The following C11orf65 variants were observed in gnomAD, a reference collection of about 807,000 sequenced individuals.
The protein encoded by C11orf65 is chromosome 11 open reading frame 65, also known as protein MFI.
C11orf65 carries 38 observed loss-of-function variants against 35.3 expected under a neutral mutation model. That is an observed-to-expected ratio of 1.08 (90% CI 0.83 to 1.41). The LOEUF is 1.41. C11orf65 is among the 40% of genes most tolerant of loss of function. The pLI is 0.00. For synonymous variants in C11orf65, 105 were observed against 114.4 expected, an observed-to-expected ratio of 0.92 and a Z score of 0.53; for missense variants, 370 against 367.1, an observed-to-expected ratio of 1.01 and a Z score of -0.06.
In C11orf65 at chr11:108,310,139, TTA is replaced by T. The variant is rs1064793040; in HGVS notation, c.641-1070_641-1069del. On this transcript the variant is annotated intron_variant, in intron 6 of 6. Coordinates refer to the C11orf65 transcript ENST00000525729. ...TTGAAGTTTAAAAAAGTGAATGACATTATATCTCATTTTTCTTTAGACCTTCT... is the reference window on the plus strand; with the variant it reads ...TTGAAGTTTAAAAAAGTGAATGACATTATCTCATTTTTCTTTAGACCTTCT... 5 of 1,606,698 alleles carry T rather than the reference TTA, an allele frequency of 3.1e-6. No individual in the cohort carries two copies. The highest frequency in any genetic ancestry group is 4.3e-6 in the Non-Finnish European group (5 of 1,174,212).
chr11:108,365,590 A>C, intron 2 of C11orf65: 1 of 1,473,824 alleles, frequency 6.8e-7, no homozygotes. Flanking sequence ...AACATACTTT[A>C]AGTAGGGATT....
chr11:108,327,753 G>C (rs2136379535), downstream of C11orf65: 1 of 1,612,794 alleles, frequency 6.2e-7, no homozygotes, highest in East Asian at 2.2e-5. Context: ...GACCTATCTA[G>C]AAAAGGTAAG....
At position 108,354,860 on chromosome 11, in the gene C11orf65, T is replaced by C; in HGVS notation, c.227-19568A>G. ...GATGAGAAACTCTCAGGAAACTCTG[T>C]TAACCATTGTAGAGGTAAAGTATTT... On this transcript the variant is annotated intron_variant, in intron 2 of 3. Coordinates refer to the C11orf65 transcript ENST00000524755. The C allele has an allele frequency of 6.2e-7, 1 of 1,613,420 alleles. No individual in the cohort carries two copies. The highest frequency in any genetic ancestry group is 8.5e-7 in the Non-Finnish European group (1 of 1,179,356).
intron 2 of C11orf65, among the ~76,000 whole-genome samples, chr11:108,450,429 G>T (rs1455989448): frequency 6.6e-6 from 1 of 151,496 alleles, no homozygotes. Context: ...ATACACCATG[G>T]AATACTATGC....
downstream of C11orf65, among the ~76,000 whole-genome samples, chr11:108,381,206 T>C (rs939172537): frequency 3.3e-5 from 5 of 152,118 alleles, no homozygotes; most frequent in Non-Finnish European, 7.4e-5. Flanking sequence ...AACCAAGGGA[T>C]GGAAATTAGG....
At chr11:108,441,420 G>A (rs1449919896) in intron 2 of C11orf65, among the ~76,000 whole-genome samples, 1 of 152,238 alleles carries the variant, frequency 6.6e-6, no homozygotes, top group Non-Finnish European at 1.5e-5. Flanking sequence ...ACAAAAGGCA[G>A]CAGAAACTTC....
At chr11:108,444,586 C>T (rs978269108) in intron 2 of C11orf65, among the ~76,000 whole-genome samples, 5 of 152,132 alleles carry the variant, frequency 3.3e-5, no homozygotes, top group African/African-American at 7.2e-5. Context: ...ACTGGCAAAC[C>T]GCATCCAGCA....
At position 108,386,049 on chromosome 11, in the gene C11orf65, C is replaced by A; in HGVS notation, c.732-74G>T. On this transcript the variant is annotated intron_variant, in intron 7 of 8. Coordinates refer to ENST00000393084, the MANE Select transcript of C11orf65 (RefSeq NM_152587.5). Reference sequence around the variant, plus strand: ...CATACTTAGACTACTTCTAAAATTCCACTTTTCAGAAATCTTAGATTAATG... The same window carrying A: ...CATACTTAGACTACTTCTAAAATTCAACTTTTCAGAAATCTTAGATTAATG... 2.4e-6 allele frequency: 3 copies of A among 1,262,104 alleles called. No individual in the cohort carries two copies. The South Asian group carries it at 3.8e-5, about 16-fold the overall frequency. The allele number at this position is 1,262,104 out of a possible 1,614,324, so 78.2% of individuals were successfully genotyped here. A position where few individuals can be genotyped will look rare whatever the true frequency, so the allele number is the denominator to read the frequency against.
chr11:108,391,127 C>T (rs972422823), intron 7 of C11orf65, among the ~76,000 whole-genome samples: 4 of 152,008 alleles, frequency 2.6e-5, no homozygotes, highest in African/African-American at 9.7e-5. Context: ...TTTCCTACCC[C>T]ATTTTCTTAT....
intron 6 of C11orf65, among the ~76,000 whole-genome samples, chr11:108,402,315 C>T (rs2092453518): frequency 6.6e-6 from 1 of 152,172 alleles, no homozygotes; most frequent in African/African-American, 2.4e-5. Flanking sequence ...GATTCTTAGC[C>T]TTGTGTATGT....
At chr11:108,419,777 A>G (rs954534162) in intron 3 of C11orf65, among the ~76,000 whole-genome samples, 3 of 152,232 alleles carry the variant, frequency 2.0e-5, no homozygotes, top group Non-Finnish European at 4.4e-5. Context: ...AAAGGATTCT[A>G]TAACAAACAA....
chr11:108,392,625 C>G (rs1482224285), intron 7 of C11orf65, among the ~76,000 whole-genome samples: 1 of 152,166 alleles, frequency 6.6e-6, no homozygotes, highest in Non-Finnish European at 1.5e-5. Context: ...CACATTCCCA[C>G]TAGCAGTGTA....
chr11:108,468,990 G>A (rs1190043845), upstream of C11orf65, among the ~76,000 whole-genome samples: 1 of 151,870 alleles, frequency 6.6e-6, no homozygotes, highest in African/African-American at 2.4e-5. Context: ...GACTACAGGC[G>A]CCCTCCATGA....
At chr11:108,442,565 C>A (rs1670479736) in intron 2 of C11orf65, among the ~76,000 whole-genome samples, 1 of 152,252 alleles carries the variant, frequency 6.6e-6, no homozygotes, top group South Asian at 2.1e-4. Context: ...ATATTAAGGG[C>A]AGCCAGAGAG....
chr11:108,329,369 T>A (rs903747558), downstream of C11orf65: 2 of 827,752 alleles, frequency 2.4e-6, no homozygotes, highest in African/African-American at 3.5e-5. Flanking sequence ...TAACTATATA[T>A]AGATTATCTT....
At chr11:108,377,948 A>T (rs1366294661), downstream of C11orf65, among the ~76,000 whole-genome samples, 4 of 151,690 alleles carry the variant, frequency 2.6e-5, no homozygotes, top group Non-Finnish European at 4.4e-5. Flanking sequence ...CTCTTCAAGG[A>T]GAACTACAAA....
chr11:108,325,967 A>T, intron 6 of C11orf65: 3 of 1,482,124 alleles, frequency 2.0e-6, no homozygotes, highest in Non-Finnish European at 2.8e-6. Flanking sequence ...GTCCTCAATG[A>T]ATGGTAGTTG....
Position 108,361,481 on chromosome 11 carries a change from C to A in C11orf65, c.227-26189G>T, listed in dbSNP as rs536682426. Among the ~76,000 whole-genome samples the A allele has an allele frequency of 9.9e-5, 15 of 152,082 alleles. No homozygotes were observed. The East Asian group carries it at 2.5e-3, about 25-fold the overall frequency. ...TCATATGGAACCAAAAAAGAGCCCG[C>A]ATCGGCAAGTCAATCCTAAGCCAAA... On this transcript the variant is annotated intron_variant, in intron 2 of 3. Transcript: ENST00000524755.
chr11:108,318,087 C>G (rs576996420), intron 6 of C11orf65, among the ~76,000 whole-genome samples: 1 of 152,128 alleles, frequency 6.6e-6, no homozygotes, highest in Non-Finnish European at 1.5e-5. Flanking sequence ...TACGGCCAGG[C>G]ACGGTGGCTC....
Sources: gnomAD v4.1 joint callset for allele counts (sites outside exome capture counted in the v4.1 genomes callset) on GRCh38, gnomAD v4.1.1 for gene constraint, MANE v1.5 for transcripts, NCBI Gene and HGNC (gene_info 2026-07-23, HGNC 2026-07-21) for gene names.